GALNT13: variants seen among roughly 807,000 people sequenced by gnomAD.
GALNT13 encodes the protein polypeptide N-acetylgalactosaminyltransferase 13.
GALNT13 carries 28 observed loss-of-function variants against 64.2 expected under a neutral mutation model. The ratio of observed to expected loss-of-function variants is 0.44; its 90% confidence interval spans 0.32 to 0.60. The LOEUF (loss-of-function observed/expected upper bound fraction) is 0.60. Ranked by LOEUF, GALNT13 falls within the 20% of genes least tolerant of loss-of-function variation. The pLI is 0.05. For missense variants in GALNT13, 577 were observed against 669.8 expected (o/e 0.86, Z 1.53); for synonymous variants, 214 against 224.6 (o/e 0.95, Z 0.42).
At chr2:153,789,895 C>A in the GALNT13 span, among the ~76,000 whole-genome samples, 1 of 152,084 alleles carries the variant, frequency 6.6e-6, no homozygotes, top group Non-Finnish European at 1.5e-5. Flanking sequence ...GAAATTGATT[C>A]CCTGAGCAGA....
chr2:153,319,041 A>G, the GALNT13 span, among the ~76,000 whole-genome samples: 1 of 152,168 alleles, frequency 6.6e-6, no homozygotes, highest in Non-Finnish European at 1.5e-5. Flanking sequence ...GTTATACAAC[A>G]TTCCTCTCAT....
intron 3 of GALNT13, among the ~76,000 whole-genome samples, chr2:154,044,694 T>C (rs1699191675): frequency 6.6e-6 from 1 of 152,184 alleles, no homozygotes; most frequent in Non-Finnish European, 1.5e-5. Flanking sequence ...AATGATTTAT[T>C]GCAGACAGAA....
chr2:153,256,214 AT>A, the GALNT13 span, among the ~76,000 whole-genome samples: 2 of 150,896 alleles, frequency 1.3e-5, no homozygotes, highest in Non-Finnish European at 3.0e-5. Flanking sequence ...CATTTCATTC[AT>A]TTCATCTTCC....
intron 3 of GALNT13, among the ~76,000 whole-genome samples, chr2:154,039,197 T>A (rs1218938106): frequency 6.6e-6 from 1 of 152,092 alleles, no homozygotes; most frequent in African/African-American, 2.4e-5. Context: ...GAAAACAGTA[T>A]GGAAGTTCCT....
the GALNT13 span, among the ~76,000 whole-genome samples, chr2:153,455,884 T>C: frequency 6.6e-6 from 1 of 152,144 alleles, no homozygotes; most frequent in African/African-American, 2.4e-5. Flanking sequence ...AATTGAATGA[T>C]GGTAAATGCG....
the GALNT13 span, among the ~76,000 whole-genome samples, chr2:153,649,457 T>A: frequency 6.6e-6 from 1 of 150,488 alleles, no homozygotes; most frequent in Non-Finnish European, 1.5e-5. Context: ...TTTGTGTCTC[T>A]ATTTCCTTCA....
the GALNT13 span, among the ~76,000 whole-genome samples, chr2:153,150,777 G>A: frequency 2.0e-5 from 3 of 152,090 alleles, no homozygotes; most frequent in East Asian, 3.9e-4. Context: ...AAGATCAGAT[G>A]GTTGTAGATA....
chr2:153,669,528 A>G, the GALNT13 span, among the ~76,000 whole-genome samples: 1 of 152,318 alleles, frequency 6.6e-6, no homozygotes, highest in South Asian at 2.1e-4. Flanking sequence ...AATAAATTAA[A>G]TTAAATTGAA....
At chr2:153,769,688 C>T in the GALNT13 span, among the ~76,000 whole-genome samples, 1 of 152,022 alleles carries the variant, frequency 6.6e-6, no homozygotes, top group African/African-American at 2.4e-5. Flanking sequence ...TACTTTTTTA[C>T]TTTTTTCTTC....
At chr2:153,768,877 T>A in the GALNT13 span, among the ~76,000 whole-genome samples, 1 of 152,120 alleles carries the variant, frequency 6.6e-6, no homozygotes, top group African/African-American at 2.4e-5. Context: ...ATAAAATAAA[T>A]AAAAAATAAA....
chr2:153,455,849 TA>T, the GALNT13 span, among the ~76,000 whole-genome samples: 4 of 151,636 alleles, frequency 2.6e-5, no homozygotes, highest in South Asian at 2.1e-4. Flanking sequence ...AAATAAAAAA[TA>T]AAAAAAATGA....
At chr2:154,028,498 A>G (rs1015748683) in intron 3 of GALNT13, among the ~76,000 whole-genome samples, 5 of 152,110 alleles carry the variant, frequency 3.3e-5, no homozygotes, top group Non-Finnish European at 5.9e-5. Flanking sequence ...CACTTTTTAA[A>G]ACGGCAATGT....
At chr2:154,182,977 G>T (rs1439418715) in intron 4 of GALNT13, among the ~76,000 whole-genome samples, 4 of 151,994 alleles carry the variant, frequency 2.6e-5, no homozygotes, top group Non-Finnish European at 4.4e-5. Context: ...AGCAATATTG[G>T]TCTGTAATTT....
At chr2:153,613,957 C>T in the GALNT13 span, among the ~76,000 whole-genome samples, 1 of 151,816 alleles carries the variant, frequency 6.6e-6, no homozygotes, top group South Asian at 2.1e-4. Flanking sequence ...CACACGTATA[C>T]ATATGTAAGA....
the GALNT13 span, among the ~76,000 whole-genome samples, chr2:153,601,079 TG>T: frequency 6.6e-6 from 1 of 151,912 alleles, no homozygotes; most frequent in East Asian, 1.9e-4. Context: ...TAACCAAAGA[TG>T]GTGGTGGTTA....
At chr2:153,239,766 A>C in the GALNT13 span, among the ~76,000 whole-genome samples, 2 of 152,160 alleles carry the variant, frequency 1.3e-5, no homozygotes, top group African/African-American at 4.8e-5. Context: ...TTAAACAAAA[A>C]TATTGGCCTA....
chr2:153,480,964 G>A, the GALNT13 span, among the ~76,000 whole-genome samples: 1 of 152,302 alleles, frequency 6.6e-6, no homozygotes, highest in East Asian at 1.9e-4. Context: ...GCTAGGAACA[G>A]TATTGCTGTT....
chr2:154,015,778 T>C (rs1696962588), intron 3 of GALNT13, among the ~76,000 whole-genome samples: 1 of 152,192 alleles, frequency 6.6e-6, no homozygotes, highest in Non-Finnish European at 1.5e-5. Flanking sequence ...ACCCCCAATA[T>C]TTAGCTTCTC....
At chr2:153,372,910 T>G in the GALNT13 span, among the ~76,000 whole-genome samples, 1 of 152,306 alleles carries the variant, frequency 6.6e-6, no homozygotes, top group Middle Eastern at 3.4e-3. Flanking sequence ...CTTTCTATCT[T>G]AAAATATTTA....
Sources: gnomAD v4.1 joint callset for allele counts (sites outside exome capture counted in the v4.1 genomes callset) on GRCh38, gnomAD v4.1.1 for gene constraint, MANE v1.5 for transcripts, NCBI Gene and HGNC (gene_info 2026-07-23, HGNC 2026-07-21) for gene names.